Variants in FAT3 observed in about 807,000 individuals in gnomAD.
FAT3 encodes the protein FAT atypical cadherin 3.
FAT3 carries 95 observed loss-of-function variants against 310.2 expected under a neutral mutation model. The observed-to-expected ratio is 0.31, with a 90% CI of 0.26 to 0.36. The LOEUF is 0.36. FAT3 is among the 10% of genes least tolerant of loss of function. FAT3 has a pLI of 1.00. For synonymous variants in FAT3, 2,314 were observed against 2,192.9 expected, an observed-to-expected ratio of 1.06 and a Z score of -1.54; for missense variants, 5,408 against 5,715.6, an observed-to-expected ratio of 0.95 and a Z score of 1.74.
intron 2 of FAT3, among the ~76,000 whole-genome samples, chr11:92,500,545 A>G (rs1028043776): frequency 2.0e-5 from 3 of 151,936 alleles, no homozygotes; most frequent in African/African-American, 7.3e-5. Context: ...TTTTTCCTTT[A>G]TATATTTCTA....
chr11:92,504,614 T>C (rs1189550746), intron 2 of FAT3, among the ~76,000 whole-genome samples: 2 of 152,168 alleles, frequency 1.3e-5, no homozygotes, highest in African/African-American at 4.8e-5. Flanking sequence ...TTTTCCTTGT[T>C]ATAATTTCTC....
intron 1 of FAT3, among the ~76,000 whole-genome samples, chr11:92,278,643 A>G (rs1469997678): frequency 6.6e-6 from 1 of 152,180 alleles, no homozygotes; most frequent in Admixed American, 6.6e-5. Context: ...TAATTTTCCT[A>G]TATAAGAAAA....
chr11:92,552,524 A>G (rs1044325802), intron 3 of FAT3, among the ~76,000 whole-genome samples: 5 of 152,222 alleles, frequency 3.3e-5, no homozygotes, highest in Non-Finnish European at 7.3e-5. Flanking sequence ...AAAATAGGGA[A>G]TGTACTTTAT....
intron 1 of FAT3, among the ~76,000 whole-genome samples, chr11:92,287,943 T>A (rs1245527872): frequency 6.6e-6 from 1 of 152,124 alleles, no homozygotes. Flanking sequence ...ACAGAAAAAC[T>A]GCAGAGCAAA....
chr11:92,751,785 G>A (rs1353220441), intron 4 of FAT3, among the ~76,000 whole-genome samples: 1 of 152,114 alleles, frequency 6.6e-6, no homozygotes, highest in Non-Finnish European at 1.5e-5. Context: ...GCTTCTACAT[G>A]GGCTGCGCAG....
chr11:92,855,020 G>A (rs549932001), intron 19 of FAT3, among the ~76,000 whole-genome samples: 2 of 152,308 alleles, frequency 1.3e-5, no homozygotes, highest in East Asian at 1.9e-4. Flanking sequence ...TCTATTTGAT[G>A]GGATGCATGT....
At chr11:92,847,311 A>C (rs1445386627) in intron 19 of FAT3, among the ~76,000 whole-genome samples, 1 of 152,230 alleles carries the variant, frequency 6.6e-6, no homozygotes, top group Non-Finnish European at 1.5e-5. Context: ...TACAGTGTTC[A>C]GTACAGTAGC....
At chr11:92,534,369 G>A (rs1053976911) in intron 3 of FAT3, among the ~76,000 whole-genome samples, 2 of 152,184 alleles carry the variant, frequency 1.3e-5, no homozygotes, top group African/African-American at 4.8e-5. Flanking sequence ...GGATTGGTCT[G>A]ATTGATGGAC....
intron 2 of FAT3, among the ~76,000 whole-genome samples, chr11:92,497,060 C>T (rs1280785089): frequency 6.6e-6 from 1 of 151,956 alleles, no homozygotes; most frequent in African/African-American, 2.4e-5. Context: ...TTAGGTGATG[C>T]GATTCAGTAG....
At chr11:92,244,641 A>G (rs917437216) in intron 1 of FAT3, among the ~76,000 whole-genome samples, 1 of 152,104 alleles carries the variant, frequency 6.6e-6, no homozygotes, top group Non-Finnish European at 1.5e-5. Flanking sequence ...AACTTTAATG[A>G]GCATCAGAAT....
chr11:92,245,723 A>G (rs758101953), intron 1 of FAT3, among the ~76,000 whole-genome samples: 13 of 152,188 alleles, frequency 8.5e-5, no homozygotes, highest in East Asian at 5.8e-4. Flanking sequence ...ATGAAGGGGC[A>G]TGGTTATGTT....
At chr11:92,867,907 C>T (rs950870832) in intron 22 of FAT3, among the ~76,000 whole-genome samples, 7 of 45,940 alleles carry the variant, frequency 1.5e-4, no homozygotes, top group African/African-American at 2.8e-4. Context: ...GGAGAGTAGG[C>T]ATTAAAAAAA....
At position 92,354,861 on chromosome 11, in the gene FAT3, T is replaced by C. The variant is rs1948688529; in HGVS notation, c.2749T>C (p.Phe917Leu). 1 of 1,613,850 alleles carries C rather than the reference T, an allele frequency of 6.2e-7. No homozygotes were observed. Among genetic ancestry groups the C allele is most frequent in the African/African-American group, 1.3e-5 (1 of 75,028 alleles). Residue 917 changes from phenylalanine (F) to leucine (L), a missense_variant, in exon 2 of 28, where the codon TTT (phenylalanine) becomes CTT (leucine). Physicochemically the swap from Phe to Leu is conservative, Grantham distance 22. Transcript: ENST00000525166. Reference protein sequence around the residue: ...RDKAESGQQLFSVVTLKVFLD... With the variant: ...RDKAESGQQLLSVVTLKVFLD... The stretch of plus-strand genomic sequence containing the variant: ...CAAGGCAGAGAGTGGTCAGCAGCTG[T>C]TTTCAGTTGTCACTCTTAAAGTTTT...
chr11:92,316,701 A>G (rs1223684181), intron 1 of FAT3, among the ~76,000 whole-genome samples: 1 of 152,198 alleles, frequency 6.6e-6, no homozygotes, highest in Non-Finnish European at 1.5e-5. Context: ...GGAAAAAAAA[A>G]TGATTAAATC....
At chr11:92,461,245 A>G (rs1347420084) in intron 2 of FAT3, among the ~76,000 whole-genome samples, 1 of 152,054 alleles carries the variant, frequency 6.6e-6, no homozygotes, top group East Asian at 1.9e-4. Context: ...GGAGAGAGAT[A>G]AGGGCTTCCC....
At chr11:92,526,859 C>G (rs1268395285) in intron 3 of FAT3, among the ~76,000 whole-genome samples, 1 of 152,162 alleles carries the variant, frequency 6.6e-6, no homozygotes, top group Non-Finnish European at 1.5e-5. Flanking sequence ...AAATATATAG[C>G]ATACCTTGTA....
chr11:92,420,524 A>G (rs1304888401), intron 2 of FAT3, among the ~76,000 whole-genome samples: 2 of 152,160 alleles, frequency 1.3e-5, no homozygotes, highest in Non-Finnish European at 1.5e-5. Flanking sequence ...CTTGTCCTGA[A>G]GGATTCAGCA....
rs142933500 is a variant in FAT3 at position 92,465,630 on chromosome 11, G to A, written c.3293-59004G>A. On this transcript the variant is annotated intron_variant, in intron 2 of 27. Coordinates refer to ENST00000525166, the MANE Select transcript of FAT3 (RefSeq NM_001367949.2). ...CCACAAGGACAGAAAACCAAACACC[G>A]CATGTTCTCACTCATAGGTGGGAAT... 2.4e-3 allele frequency among the ~76,000 whole-genome samples: 365 copies of A among 152,174 alleles called. 3 individuals are homozygous for A. Among genetic ancestry groups the A allele is most frequent in the African/African-American group, 8.2e-3 (339 of 41,532 alleles).
intron 3 of FAT3, among the ~76,000 whole-genome samples, chr11:92,597,498 C>T (rs1020715633): frequency 6.6e-6 from 1 of 152,134 alleles, no homozygotes. Flanking sequence ...CTGGGGAGCT[C>T]TTGGCTCTTG....
Sources: allele counts gnomAD v4.1 joint callset (sites outside exome capture counted in the v4.1 genomes callset), GRCh38; gene constraint gnomAD v4.1.1; transcripts MANE v1.5; gene names NCBI Gene and HGNC (gene_info 2026-07-23, HGNC 2026-07-21).